Variants in EYS observed in about 807,000 individuals in gnomAD.
EYS encodes protein eyes shut homolog.
In EYS, 250 loss-of-function variants were observed where a neutral mutation model predicts 282.1. That is an observed-to-expected ratio of 0.89 (90% CI 0.80 to 0.98). EYS has a LOEUF of 0.98. Among genes scored for constraint, EYS ranks in the 50% least tolerant of loss-of-function variants. The pLI is 0.00. For missense variants in EYS, 4,016 were observed against 3,709.0 expected, an observed-to-expected ratio of 1.08 and a Z score of -2.15; for synonymous variants, 1,355 against 1,282.9, an observed-to-expected ratio of 1.06 and a Z score of -1.20.
In EYS at chr6:64,327,532, C is replaced by T. The variant is rs80332058; in HGVS notation, c.6079-20450G>A. ...CAGGGAAATAATGGGCCAAGTGTTC[C>T]GGGTAGTCACCGGGGTTGGAGAACA... On this transcript the variant is annotated intron_variant, in intron 29 of 42. Coordinates refer to ENST00000503581, the MANE Select transcript of EYS (RefSeq NM_001142800.2). Among the ~76,000 whole-genome samples, 835 of 152,122 alleles carry T rather than the reference C, an allele frequency of 5.5e-3. 28 individuals are homozygous for T. In the East Asian group the frequency reaches 0.1, roughly 18 times the overall value.
intron 22 of EYS, among the ~76,000 whole-genome samples, chr6:64,707,106 T>TACACACACAC (rs541099764): frequency 8.9e-6 from 1 of 112,618 alleles, no homozygotes; most frequent in Non-Finnish European, 2.0e-5. Flanking sequence ...TATATATGCA[T>TACACACACAC]ACACACACAC....
intron 12 of EYS, among the ~76,000 whole-genome samples, chr6:65,153,101 A>G (rs1764651032): frequency 6.6e-6 from 1 of 151,876 alleles, no homozygotes; most frequent in Admixed American, 6.6e-5. Context: ...AATATGCTAC[A>G]TAAGATTGTA....
chr6:64,671,199 C>T (rs139463921), intron 22 of EYS, among the ~76,000 whole-genome samples: 4 of 152,208 alleles, frequency 2.6e-5, no homozygotes, highest in African/African-American at 9.6e-5. Context: ...ATGTTTGTGT[C>T]TCCCCAAAAT....
At position 64,732,294 on chromosome 6, in the gene EYS, G is replaced by T. The variant is rs545611994; in HGVS notation, c.3443+81084C>A. ...CTGCATGTTCTGCACATGTATCCCA[G>T]AACTTAAAGTATTAAAAAAAAAAAA... On this transcript the variant is annotated intron_variant, in intron 22 of 42. Coordinates refer to ENST00000503581, the MANE Select transcript of EYS (RefSeq NM_001142800.2). Among the ~76,000 whole-genome samples the T allele has an allele frequency of 1.1e-4, 17 of 148,606 alleles. No individual in the cohort carries two copies. The East Asian group carries it at 3.4e-3, about 29-fold the overall frequency.
intron 16 of EYS, among the ~76,000 whole-genome samples, chr6:64,910,836 T>C (rs554466768): frequency 1.4e-4 from 21 of 152,030 alleles, no homozygotes; most frequent in Non-Finnish European, 2.7e-4. Context: ...AATGCACTTA[T>C]AAATAGCAAA....
chr6:64,469,214 T>C (rs550985122), intron 26 of EYS, among the ~76,000 whole-genome samples: 5 of 152,262 alleles, frequency 3.3e-5, no homozygotes, highest in African/African-American at 1.2e-4. Flanking sequence ...CGGTATCTTA[T>C]TGTGATTTTG....
chr6:63,985,313 A>T (rs1458141824), intron 34 of EYS, among the ~76,000 whole-genome samples: 1 of 151,630 alleles, frequency 6.6e-6, no homozygotes, highest in Non-Finnish European at 1.5e-5. Context: ...ACCAAAAATG[A>T]GTTAAGAGGC....
intron 30 of EYS, among the ~76,000 whole-genome samples, chr6:64,261,042 C>T (rs987367467): frequency 3.3e-5 from 5 of 151,830 alleles, no homozygotes; most frequent in African/African-American, 1.2e-4. Flanking sequence ...TCCAATTCTA[C>T]TCTTTTAGTT....
chr6:64,000,343 C>A (rs1768035869), intron 33 of EYS, among the ~76,000 whole-genome samples: 1 of 151,220 alleles, frequency 6.6e-6, no homozygotes, highest in African/African-American at 2.4e-5. Context: ...AGGCGCCCGC[C>A]ACCACGCCAG....
intron 21 of EYS, among the ~76,000 whole-genome samples, chr6:64,819,468 A>G (rs1218987796): frequency 6.6e-6 from 1 of 152,110 alleles, no homozygotes; most frequent in Admixed American, 6.6e-5. Flanking sequence ...AATCTATTAT[A>G]TGAAAAGTGG....
chr6:63,827,494 C>G (rs1771502091), intron 36 of EYS, among the ~76,000 whole-genome samples: 1 of 152,182 alleles, frequency 6.6e-6, no homozygotes, highest in Non-Finnish European at 1.5e-5. Flanking sequence ...CTGGAACTTT[C>G]TCCAGGAAAG....
intron 4 of EYS, among the ~76,000 whole-genome samples, chr6:65,492,332 G>GAAAC (rs3049751): frequency 0.64 from 95,155 of 149,634 alleles, 30,466 homozygotes; most frequent in East Asian, 0.73. Context: ...AAGAAAGAAA[G>GAAAC]AAACAAACAA....
rs376172980 is a variant in EYS, at chr6:65,444,013, A to G, written c.863-38646T>C. Reference sequence around the variant, plus strand: ...TAATAGACTTTAATAATAATTATTAAAGCATGGTTCAATGGTTAAAAGTAA... The same window carrying G: ...TAATAGACTTTAATAATAATTATTAGAGCATGGTTCAATGGTTAAAAGTAA... On this transcript the variant is annotated intron_variant, in intron 5 of 42. Coordinates refer to ENST00000503581, the MANE Select transcript of EYS (RefSeq NM_001142800.2). 4.4e-4 allele frequency among the ~76,000 whole-genome samples: 67 copies of G among 151,998 alleles called. 2 individuals are homozygous for G. The South Asian group carries it at 0.014, about 31-fold the overall frequency.
chr6:65,347,749 A>G (rs565347275), intron 9 of EYS, among the ~76,000 whole-genome samples: 3 of 151,598 alleles, frequency 2.0e-5, no homozygotes, highest in African/African-American at 7.2e-5. Context: ...TATTCTTTTA[A>G]TTACTTAAAA....
intron 2 of EYS, among the ~76,000 whole-genome samples, chr6:65,542,293 G>C (rs1768196281): frequency 6.6e-6 from 1 of 151,944 alleles, no homozygotes; most frequent in South Asian, 2.1e-4. Flanking sequence ...ATAATAGCTA[G>C]ATTTGACTCA....
intron 22 of EYS, among the ~76,000 whole-genome samples, chr6:64,749,015 C>T (rs1772655197): frequency 6.6e-6 from 1 of 152,184 alleles, no homozygotes; most frequent in Non-Finnish European, 1.5e-5. Context: ...TCAGGTGATC[C>T]ACCCGCCTTG....
chr6:64,287,292 T>C (rs1375306809), intron 30 of EYS, among the ~76,000 whole-genome samples: 1 of 152,198 alleles, frequency 6.6e-6, no homozygotes, highest in Non-Finnish European at 1.5e-5. Flanking sequence ...ACAGCCATTA[T>C]GTTTATGTTC....
At chr6:65,641,193 C>T (rs548521557) in intron 1 of EYS, among the ~76,000 whole-genome samples, 1 of 152,338 alleles carries the variant, frequency 6.6e-6, no homozygotes, top group Admixed American at 6.5e-5. Flanking sequence ...GCCATAACCT[C>T]TGTTGGTTGT....
In EYS at chr6:64,388,702, A is replaced by T. The variant is rs1445102436; in HGVS notation, c.6066T>A (p.His2022Gln). Residue 2022 changes from histidine (H) to glutamine (Q), a missense_variant, in exon 29 of 43, where the codon CAT becomes CAA. Physicochemically the swap from His to Gln is conservative, Grantham distance 24 (BLOSUM62 0). Transcript: ENST00000503581. Reference protein sequence around the residue: ...SVFIGGFPDLHGKIQMPVPVK... With the variant: ...SVFIGGFPDLQGKIQMPVPVK... ...TCTATAGAAATACCTGGATTTTCCC[A>T]TGAAGGTCTGGAAATCCACCAATGA... 1 of 1,534,054 alleles carries T rather than the reference A, an allele frequency of 6.5e-7. No individual in the cohort carries two copies. The highest frequency in any genetic ancestry group is 8.8e-7 in the Non-Finnish European group (1 of 1,139,644).
Sources: allele counts gnomAD v4.1 joint callset (sites outside exome capture counted in the v4.1 genomes callset), GRCh38; gene constraint gnomAD v4.1.1; transcripts MANE v1.5; gene names NCBI Gene and HGNC (gene_info 2026-07-23, HGNC 2026-07-21).